Variants in DCC observed in about 807,000 individuals in gnomAD.
The protein encoded by DCC is netrin receptor DCC.
DCC carries 58 observed loss-of-function variants against 172.5 expected under a neutral mutation model. The ratio of observed to expected loss-of-function variants is 0.34; its 90% CI spans 0.27 to 0.42. The LOEUF (loss-of-function observed/expected upper bound fraction) is 0.42. Ranked by LOEUF, DCC falls within the 10% of genes least tolerant of loss-of-function variation. The pLI is 1.00. For synonymous variants in DCC, 709 were observed against 644.5 expected (o/e 1.10, Z -1.52); for missense variants, 1,740 against 1,791.0 (o/e 0.97, Z 0.51).
intron 1 of DCC, among the ~76,000 whole-genome samples, chr18:52,361,660 G>A (rs1442946009): frequency 6.6e-6 from 1 of 152,176 alleles, no homozygotes; most frequent in African/African-American, 2.4e-5. Context: ...TATTAGAAAT[G>A]CAGAAACTCA....
intron 1 of DCC, among the ~76,000 whole-genome samples, chr18:52,611,889 A>G (rs2034283293): frequency 6.6e-6 from 1 of 152,236 alleles, no homozygotes; most frequent in African/African-American, 2.4e-5. Flanking sequence ...AATATGAAGA[A>G]TATAAATGAT....
intron 1 of DCC, among the ~76,000 whole-genome samples, chr18:52,477,546 G>T (rs1032513265): frequency 4.6e-5 from 7 of 152,084 alleles, no homozygotes; most frequent in Admixed American, 3.9e-4. Context: ...CTGGTAACAG[G>T]GACTTCCACA....
At chr18:52,793,677 C>T (rs1282770268) in intron 2 of DCC, among the ~76,000 whole-genome samples, 1 of 152,096 alleles carries the variant, frequency 6.6e-6, no homozygotes. Flanking sequence ...GGTTTTGTTG[C>T]CTGTATTATA....
chr18:52,813,707 C>T (rs754838670), intron 2 of DCC, among the ~76,000 whole-genome samples: 2 of 152,194 alleles, frequency 1.3e-5, no homozygotes, highest in Non-Finnish European at 2.9e-5. Context: ...CTGAGTAAAG[C>T]AGATTGCCAT....
intron 2 of DCC, among the ~76,000 whole-genome samples, chr18:52,837,629 G>A (rs753163497): frequency 3.3e-5 from 5 of 152,118 alleles, no homozygotes; most frequent in Non-Finnish European, 7.3e-5. Flanking sequence ...CATTCAACAA[G>A]TCTCTAGGAA....
intron 1 of DCC, among the ~76,000 whole-genome samples, chr18:52,545,451 C>G (rs2032584531): frequency 6.6e-6 from 1 of 152,196 alleles, no homozygotes; most frequent in Admixed American, 6.5e-5. Context: ...ATGATGCTCA[C>G]AGCCTCAAGC....
intron 12 of DCC, among the ~76,000 whole-genome samples, chr18:53,231,945 C>T (rs562101713): frequency 6.6e-5 from 10 of 152,208 alleles, no homozygotes; most frequent in Non-Finnish European, 1.0e-4. Context: ...AGTCCTTTTA[C>T]GTCATCTTCA....
At chr18:52,556,614 T>C (rs1389199655) in intron 1 of DCC, among the ~76,000 whole-genome samples, 1 of 152,086 alleles carries the variant, frequency 6.6e-6, no homozygotes, top group Non-Finnish European at 1.5e-5. Flanking sequence ...ATCTCACCCC[T>C]GGATGGAAAT....
intron 1 of DCC, among the ~76,000 whole-genome samples, chr18:52,707,718 T>A (rs2036232289): frequency 6.6e-6 from 1 of 152,132 alleles, no homozygotes. Flanking sequence ...GTGACATGGA[T>A]GAACCTGAAG....
At chr18:52,537,874 G>A (rs1444776856) in intron 1 of DCC, among the ~76,000 whole-genome samples, 1 of 152,022 alleles carries the variant, frequency 6.6e-6, no homozygotes, top group Non-Finnish European at 1.5e-5. Context: ...TTGCCTCTCT[G>A]ATCAAGTACA....
chr18:52,738,897 A>AT (rs1229760832), intron 1 of DCC, among the ~76,000 whole-genome samples: 119 of 20,592 alleles, frequency 5.8e-3, no homozygotes, highest in African/African-American at 0.012. Context: ...ACATCTGGCT[A>AT]TTTAAAAAAA....
chr18:52,661,706 A>C (rs1039299378), intron 1 of DCC, among the ~76,000 whole-genome samples: 3 of 152,248 alleles, frequency 2.0e-5, no homozygotes, highest in Non-Finnish European at 2.9e-5. Context: ...ATAGATATGG[A>C]TGTTTAAATA....
intron 5 of DCC, among the ~76,000 whole-genome samples, chr18:53,047,836 G>A (rs2042277217): frequency 6.6e-6 from 1 of 151,372 alleles, no homozygotes; most frequent in South Asian, 2.1e-4. Flanking sequence ...AAATGAACAT[G>A]GGACTAATAC....
intron 12 of DCC, among the ~76,000 whole-genome samples, chr18:53,262,415 G>T (rs1419719366): frequency 6.6e-6 from 1 of 152,060 alleles, no homozygotes; most frequent in African/African-American, 2.4e-5. Flanking sequence ...TAGATAAAAT[G>T]AGTTTTATAT....
chr18:53,240,295 C>T lies in DCC; in HGVS notation c.1911+24698C>T, dbSNP rs1160539958. ...AAAACAGTCAATAGCAAGCTTCCAT[C>T]TTTACTCCTTACACTGAATATTTTC... is the stretch of plus-strand genomic sequence containing the variant. On this transcript the variant is annotated intron_variant, in intron 12 of 28. Transcript: ENST00000442544. Among the ~76,000 whole-genome samples, 3 of 152,220 alleles carry T rather than the reference C, an allele frequency of 2.0e-5. No individual in the cohort carries two copies. The East Asian group carries it at 5.8e-4, about 29-fold the overall frequency.
At chr18:53,127,141 T>G (rs867880571) in intron 7 of DCC, among the ~76,000 whole-genome samples, 2,335 of 151,794 alleles carry the variant, frequency 0.015, 59 homozygotes, top group African/African-American at 0.052. Context: ...TCGTTGTTTT[T>G]TTTTTTTTTT....
At chr18:52,891,022 T>G (rs554840474) in intron 2 of DCC, among the ~76,000 whole-genome samples, 1 of 152,166 alleles carries the variant, frequency 6.6e-6, no homozygotes, top group South Asian at 2.1e-4. Flanking sequence ...ACCAATTAAA[T>G]CAGTGTAAAT....
chr18:53,036,843 T>A (rs1469856682), intron 5 of DCC, among the ~76,000 whole-genome samples: 1 of 151,992 alleles, frequency 6.6e-6, no homozygotes, highest in Non-Finnish European at 1.5e-5. Flanking sequence ...CTTTAGAGGC[T>A]TGGAGATGTG....
At chr18:52,910,538 G>A (rs1352671549) in intron 3 of DCC, among the ~76,000 whole-genome samples, 1 of 152,084 alleles carries the variant, frequency 6.6e-6, no homozygotes, top group Non-Finnish European at 1.5e-5. Context: ...GAGTTGAGAT[G>A]TTTTACAATG....
Sources: gnomAD v4.1 joint callset for allele counts (sites outside exome capture counted in the v4.1 genomes callset) on GRCh38, gnomAD v4.1.1 for gene constraint, MANE v1.5 for transcripts, NCBI Gene and HGNC (gene_info 2026-07-23, HGNC 2026-07-21) for gene names.